MATN2: variants seen among roughly 807,000 people sequenced by gnomAD.
MATN2 encodes the protein matrilin 2.
Under a neutral mutation model 103.2 loss-of-function variants are expected in MATN2, and 69 were observed. That is an observed-to-expected ratio of 0.67 (90% CI 0.55 to 0.82). The LOEUF (loss-of-function observed/expected upper bound fraction) is 0.82, where lower values mean the gene tolerates loss of function less well. MATN2 is among the 40% of genes least tolerant of loss of function. The pLI is 0.00. For missense variants in MATN2, 1,023 were observed against 1,211.5 expected (o/e 0.84, Z 2.31); for synonymous variants, 429 against 450.2 (o/e 0.95, Z 0.60).
chr8:97,989,079 A>G (rs2130340996), intron 6 of MATN2, among the ~76,000 whole-genome samples: 1 of 152,378 alleles, frequency 6.6e-6, no homozygotes, highest in South Asian at 2.1e-4. Context: ...TAACATATTA[A>G]AAAGTCAAAA....
intron 6 of MATN2, among the ~76,000 whole-genome samples, chr8:97,990,938 G>T (rs1056330702): frequency 1.3e-5 from 2 of 152,154 alleles, no homozygotes; most frequent in African/African-American, 4.8e-5. Context: ...TGTGGCGATG[G>T]TTTCATGGCA....
chr8:97,987,336 T>C (rs900468302), intron 6 of MATN2, among the ~76,000 whole-genome samples: 1 of 152,178 alleles, frequency 6.6e-6, no homozygotes, highest in Non-Finnish European at 1.5e-5. Context: ...TAATGGATGC[T>C]GGGCTTAATA....
At chr8:97,926,105 A>G (rs1402554380) in intron 2 of MATN2, among the ~76,000 whole-genome samples, 1 of 152,176 alleles carries the variant, frequency 6.6e-6, no homozygotes, top group Non-Finnish European at 1.5e-5. Flanking sequence ...TGCCCAATAC[A>G]TGGACTTTGG....
At chr8:97,921,843 T>C (rs1354646026) in intron 2 of MATN2, among the ~76,000 whole-genome samples, 1 of 152,134 alleles carries the variant, frequency 6.6e-6, no homozygotes, top group Non-Finnish European at 1.5e-5. Flanking sequence ...ATAAATAAAA[T>C]GCGTACAGCC....
chr8:98,032,598 T>G (rs1189801219), intron 16 of MATN2, among the ~76,000 whole-genome samples: 6 of 152,026 alleles, frequency 3.9e-5, no homozygotes, highest in Admixed American at 3.9e-4. Context: ...GTGGTACGAT[T>G]TCAGCTCACT....
intron 10 of MATN2, among the ~76,000 whole-genome samples, chr8:98,011,471 C>T (rs554277728): frequency 7.9e-5 from 12 of 152,240 alleles, no homozygotes; most frequent in African/African-American, 1.4e-4. Context: ...TGGCCCTGGT[C>T]GGGGAGTCAG....
At chr8:97,990,137 G>A (rs1465227979) in intron 6 of MATN2, among the ~76,000 whole-genome samples, 1 of 125,554 alleles carries the variant, frequency 8.0e-6, no homozygotes, top group Non-Finnish European at 1.5e-5. Flanking sequence ...AGCTGAGATT[G>A]CACCACTGCA....
intron 2 of MATN2, among the ~76,000 whole-genome samples, chr8:97,919,454 A>T (rs1404444999): frequency 2.6e-5 from 4 of 151,944 alleles, no homozygotes; most frequent in Non-Finnish European, 5.9e-5. Context: ...CTGGTCTCGA[A>T]CTCTTGACCT....
intron 14 of MATN2, among the ~76,000 whole-genome samples, 176 bp from the exon 15 acceptor site, chr8:98,030,286 C>T (rs371035169): frequency 2.0e-5 from 3 of 152,274 alleles, no homozygotes; most frequent in Admixed American, 1.3e-4. Flanking sequence ...TTGGATCCCT[C>T]CCTTTTGTTC....
At chr8:97,898,333 T>C (rs901981172) in intron 2 of MATN2, among the ~76,000 whole-genome samples, 3 of 152,118 alleles carry the variant, frequency 2.0e-5, no homozygotes, top group African/African-American at 4.8e-5. Flanking sequence ...CGGTGGCTCA[T>C]GCCTGTAATC....
rs1433771565 is a variant in MATN2 at position 98,007,500 on chromosome 8, G to A, written c.1472G>A (p.Ser491Asn). 6.2e-7 allele frequency: 1 copy of A among 1,612,730 alleles called. No homozygotes were observed. Reference sequence around the variant, plus strand: ...GCAGGGGTGGATTACTGCCTGCTGAGTGACCATGGTTGTGAATACTCCTGT... The same window carrying A: ...GCAGGGGTGGATTACTGCCTGCTGAATGACCATGGTTGTGAATACTCCTGT... ...TCSRVDYCLL[S>N]DHGCEYSCVN... Residue 491 changes from serine (S) to asparagine (N), a missense_variant, in exon 10 of 19, where the codon AGT (serine) becomes AAT (asparagine). Physicochemically the swap from Ser to Asn is conservative, Grantham distance 46 (BLOSUM62 1). Coordinates refer to ENST00000254898, the MANE Select transcript of MATN2 (RefSeq NM_002380.5). This position sits in a 1 kb window ranked among gnomAD's most constrained non-coding sequence, Gnocchi z 4.2.
intron 1 of MATN2, 82 bp from the exon 2 acceptor site, chr8:97,887,993 G>A (rs980224009): frequency 8.2e-6 from 11 of 1,336,736 alleles, no homozygotes; most frequent in East Asian, 8.0e-5. Flanking sequence ...TGAAAAGGCG[G>A]GGCAGCGGGC....
chr8:97,967,341 A>G (rs941580751), intron 5 of MATN2, among the ~76,000 whole-genome samples: 4 of 152,064 alleles, frequency 2.6e-5, no homozygotes, highest in Admixed American at 2.0e-4. Flanking sequence ...AGTTCCCCAA[A>G]GTCTTAACTT....
intron 2 of MATN2, among the ~76,000 whole-genome samples, chr8:97,893,130 A>G (rs1424069435): frequency 6.6e-6 from 1 of 152,156 alleles, no homozygotes; most frequent in East Asian, 1.9e-4. Context: ...CACCCACTGT[A>G]CTCTCCGGAC....
chr8:97,991,725 A>C (rs1812395633), intron 6 of MATN2, among the ~76,000 whole-genome samples: 1 of 149,826 alleles, frequency 6.7e-6, no homozygotes, highest in African/African-American at 2.4e-5. Context: ...CTATCTCAAA[A>C]AAAAAAAAAA....
chr8:98,030,241 G>A lies in MATN2; in HGVS notation c.2357-221G>A, dbSNP rs577983388. Among the ~76,000 whole-genome samples the A allele has an allele frequency of 5.8e-4, 89 of 152,170 alleles. 2 individuals carry two copies. Among genetic ancestry groups the A allele is most frequent in the Non-Finnish European group, 7.2e-4 (49 of 68,028 alleles). ...GGCTGAGCAACAGGTTAGTAGTTTA[G>A]TTCCCCAGCGTCTCCCAGATGCCTC... On this transcript the variant is annotated intron_variant, in intron 14 of 18. Transcript: ENST00000254898.
At chr8:97,934,193 A>C (rs1181672384) in intron 3 of MATN2, among the ~76,000 whole-genome samples, 1 of 152,202 alleles carries the variant, frequency 6.6e-6, no homozygotes, top group Non-Finnish European at 1.5e-5. Context: ...GAAACTCTGA[A>C]GGCAGCCTTC....
chr8:98,035,851 CACAGA>C lies in MATN2; in HGVS notation c.*143_*147del, dbSNP rs1814228684. On this transcript the variant is annotated 3_prime_UTR_variant, in exon 19 of 19. Transcript: ENST00000254898. ...ATCAGTACTGAGAAACCTGGTTTGC[CACAGA>C]ACAAAGACAAGAAGTATACACTAAC... The C allele has an allele frequency of 1.5e-5, 7 of 469,310 alleles. No homozygotes were observed. The Middle Eastern group carries it at 2.2e-3, about 149-fold the overall frequency. The allele number at this position is 469,310 out of a possible 1,614,324, so 29.1% of individuals were successfully genotyped here. A position where few individuals can be genotyped will look rare whatever the true frequency, so the allele number is the denominator to read the frequency against.
intron 4 of MATN2, among the ~76,000 whole-genome samples, chr8:97,945,767 T>TAA: frequency 6.6e-6 from 1 of 150,928 alleles, no homozygotes; most frequent in East Asian, 1.9e-4. Context: ...TTGTAATTTG[T>TAA]GTGGAGAGGG....
Sources: gnomAD v4.1 joint callset for allele counts (sites outside exome capture counted in the v4.1 genomes callset) on GRCh38, gnomAD v4.1.1 for gene constraint, Gnocchi (gnomAD v3.1) non-coding constraint, MANE v1.5 for transcripts, NCBI Gene and HGNC (gene_info 2026-07-23, HGNC 2026-07-21) for gene names.